KCTD2: variants seen among roughly 807,000 people sequenced by gnomAD.
The protein encoded by KCTD2 is BTB/POZ domain-containing protein KCTD2.
KCTD2 carries 18 observed loss-of-function variants against 27.9 expected under a neutral mutation model. That is an observed-to-expected ratio of 0.64 (90% CI 0.45 to 0.96). KCTD2 has a LOEUF of 0.96. Ranked by LOEUF, KCTD2 falls within the 40% of genes least tolerant of loss-of-function variation. The pLI, the probability that KCTD2 is intolerant of heterozygous loss-of-function variation, is 0.00. For missense variants in KCTD2, 280 were observed against 348.0 expected (o/e 0.80, Z 1.56); for synonymous variants, 175 against 148.4 (o/e 1.18, Z -1.30).
At chr17:75,062,962 G>T in intron 5 of KCTD2, 56 bp from the exon 6 acceptor site, 1 of 1,589,764 alleles carries the variant, frequency 6.3e-7, no homozygotes, top group Non-Finnish European at 8.6e-7. Context: ...AGCATCCCCC[G>T]ACATCTCTGT....
intron 3 of KCTD2, chr17:75,040,099 T>C (rs1372509035): frequency 1.2e-6 from 2 of 1,613,488 alleles, no homozygotes; most frequent in Non-Finnish European, 1.7e-6. Flanking sequence ...TACATCTTCT[T>C]TTTCTTCGGC....
rs538009197 is a variant in KCTD2, at chr17:75,062,998, C to T, written c.763-20C>T. On this transcript the variant is annotated intron_variant, in intron 5 of 5. Coordinates refer to ENST00000322444, the MANE Select transcript of KCTD2 (RefSeq NM_015353.3). The stretch of plus-strand genomic sequence containing the variant: ...CTTTCCCTCAGCAGCCTCAGCCTCT[C>T]CCCCATCTCCAACTTTCAGATTCTT... 6.3e-5 allele frequency: 101 copies of T among 1,613,762 alleles called. 1 individual carries two copies. The South Asian group carries it at 1.1e-3, about 17-fold the overall frequency.
upstream of KCTD2, among the ~76,000 whole-genome samples, chr17:75,043,415 C>T (rs1438039851): frequency 6.6e-6 from 1 of 152,106 alleles, no homozygotes; most frequent in African/African-American, 2.4e-5. Context: ...AGTTCAAGAC[C>T]AGCCTGAGCA....
chr17:75,062,933 C>G, intron 5 of KCTD2, 85 bp from the exon 6 acceptor site: 1 of 1,413,392 alleles, frequency 7.1e-7, no homozygotes, highest in Non-Finnish European at 1.0e-6. Context: ...CATCATGCCA[C>G]TCATCGGGTC....
chr17:75,059,450 G>A, intron 3 of KCTD2, 60 bp from the exon 4 acceptor site: 1 of 1,146,504 alleles, frequency 8.7e-7, no homozygotes, highest in Non-Finnish European at 1.2e-6. Flanking sequence ...AGCCTCCTTG[G>A]GGCAGCTGCA....
chr17:75,042,584 T>G, upstream of KCTD2: 2 of 1,613,130 alleles, frequency 1.2e-6, no homozygotes, highest in Non-Finnish European at 1.7e-6. Context: ...GCCTTTTGGT[T>G]CTGGGGTATG....
At chr17:75,060,033 T>C (rs2144940592) in intron 4 of KCTD2, among the ~76,000 whole-genome samples, 1 of 152,088 alleles carries the variant, frequency 6.6e-6, no homozygotes, top group South Asian at 2.1e-4. Flanking sequence ...TGAACAGCTG[T>C]GCTAGGAAGG....
chr17:75,053,475 C>T (rs983974705), intron 3 of KCTD2, among the ~76,000 whole-genome samples: 3 of 152,084 alleles, frequency 2.0e-5, no homozygotes, highest in African/African-American at 7.2e-5. Context: ...GAGTCTCGCC[C>T]TGTCGCCCAG....
chr17:75,045,057 G>T (rs115540755), upstream of KCTD2, among the ~76,000 whole-genome samples: 3,204 of 152,190 alleles, frequency 0.021, 113 homozygotes, highest in African/African-American at 0.073. Context: ...CCTAAGCGTC[G>T]ACTGGCTTGA....
intron 1 of KCTD2, among the ~76,000 whole-genome samples, chr17:75,047,840 G>GCCCACCTGCA (rs1291715737): frequency 1.3e-5 from 2 of 151,704 alleles, no homozygotes; most frequent in East Asian, 3.9e-4. Flanking sequence ...CCCACACTGC[G>GCCCACCTGCA]CCCACCTGCA....
chr17:75,058,954 C>T (rs1481529609), intron 3 of KCTD2, among the ~76,000 whole-genome samples: 4 of 151,586 alleles, frequency 2.6e-5, no homozygotes, highest in Non-Finnish European at 5.9e-5. Context: ...AAAAATTAGC[C>T]GGGCGTGGTG....
intron 3 of KCTD2, among the ~76,000 whole-genome samples, chr17:75,035,743 G>C (rs2040109362): frequency 6.6e-6 from 1 of 152,174 alleles, no homozygotes; most frequent in South Asian, 2.1e-4. Context: ...GGCAGCAGGA[G>C]AATCGCTTGA....
intron 3 of KCTD2, among the ~76,000 whole-genome samples, chr17:75,037,230 G>A (rs2073111293): frequency 6.6e-6 from 1 of 151,710 alleles, no homozygotes; most frequent in Admixed American, 6.6e-5. Flanking sequence ...TGTACTCCCA[G>A]CTACTCTGGA....
rs1191319048 is a variant in KCTD2 at position 75,065,203 on chromosome 17, CCT to C, written c.*2160_*2161del. The C allele has an allele frequency of 6.6e-6, 1 of 152,192 alleles. No individual in the cohort carries two copies. The highest frequency in any genetic ancestry group is 2.4e-5 in the African/African-American group (1 of 41,408). The allele number at this position is 152,192 out of a possible 1,614,324, so 9.4% of individuals were successfully genotyped here. On this transcript the variant is annotated 3_prime_UTR_variant, in exon 6 of 6. Coordinates refer to ENST00000322444, the MANE Select transcript of KCTD2 (RefSeq NM_015353.3). The stretch of plus-strand genomic sequence containing the variant: ...AAATAGACAGGAGTGGTATTTCCGC[CCT>C]CTCGGAGGGCTGGTGTTCACCAAGT...
intron 3 of KCTD2, chr17:75,042,045 G>A (rs1199759141): frequency 1.5e-6 from 1 of 685,544 alleles, no homozygotes; most frequent in Non-Finnish European, 2.4e-6. Context: ...TCGACCACAA[G>A]GCCTTTGGCC....
chr17:75,050,554 C>G (rs566322713), intron 2 of KCTD2, among the ~76,000 whole-genome samples: 12 of 152,094 alleles, frequency 7.9e-5, no homozygotes, highest in Admixed American at 4.6e-4. Context: ...TGAGCCTCCG[C>G]GCCCGACCTG....
intron 3 of KCTD2, chr17:75,059,117 T>TATA (rs543238455): frequency 6.6e-6 from 1 of 151,474 alleles, no homozygotes; most frequent in African/African-American, 2.4e-5. Context: ...TAAATAAAAT[T>TATA]ATAATAATAA....
rs962015321 is a variant in KCTD2, at chr17:75,065,447, T to C, written c.*2400T>C. 3.3e-5 allele frequency: 5 copies of C among 152,284 alleles called. No homozygotes were observed. The highest frequency in any genetic ancestry group is 9.6e-5 in the African/African-American group (4 of 41,460). The allele number at this position is 152,284 out of a possible 1,614,324, so 9.4% of individuals were successfully genotyped here. On this transcript the variant is annotated 3_prime_UTR_variant, in exon 6 of 6. Coordinates refer to ENST00000322444, the MANE Select transcript of KCTD2 (RefSeq NM_015353.3). ...GTCACGTGACCAGTGACCCACACTC[T>C]CTGCTGCCCAGTACTGCCAAGTGGG...
intron 4 of KCTD2, among the ~76,000 whole-genome samples, chr17:75,061,722 C>T (rs771875933): frequency 2.0e-5 from 3 of 152,156 alleles, no homozygotes; most frequent in Non-Finnish European, 2.9e-5. Flanking sequence ...TCCAGAGCCT[C>T]CTGTCCCCAG....
Sources: allele counts gnomAD v4.1 joint callset (sites outside exome capture counted in the v4.1 genomes callset), GRCh38; gene constraint gnomAD v4.1.1; transcripts MANE v1.5; gene names NCBI Gene and HGNC (gene_info 2026-07-23, HGNC 2026-07-21).